GABRG3: variants seen among roughly 807,000 people sequenced by gnomAD.
The protein encoded by GABRG3 is gamma-aminobutyric acid type A receptor subunit gamma3.
A neutral mutation model predicts 48.8 loss-of-function variants in GABRG3; 25 were observed. That is an observed-to-expected ratio of 0.51 (90% CI 0.37 to 0.72). The LOEUF is 0.72. Among genes scored for constraint, GABRG3 ranks in the 30% least tolerant of loss-of-function variants. GABRG3 has a pLI of 0.00. For synonymous variants in GABRG3, 227 were observed against 217.6 expected (o/e 1.04, Z -0.38); for missense variants, 394 against 577.9 (o/e 0.68, Z 3.26).
rs897155400 is a variant in GABRG3 at position 26,976,287 on chromosome 15, A to T, written c.54-715A>T. ...TGAGACTCATTTACTAAGAAGTCAG[A>T]ATGTTGAAGACTTATTAGAAAGCTT... On this transcript the variant is annotated intron_variant, in intron 1 of 9. Transcript: ENST00000615808. This position sits in a 1 kb window ranked among gnomAD's most constrained non-coding sequence, Gnocchi z 7.8. Among the ~76,000 whole-genome samples the T allele has an allele frequency of 3.9e-5, 6 of 152,210 alleles. No homozygotes were observed. The highest frequency in any genetic ancestry group is 7.3e-5 in the Non-Finnish European group (5 of 68,032).
intron 3 of GABRG3, among the ~76,000 whole-genome samples, chr15:27,230,422 A>T (rs1433708389): frequency 6.6e-6 from 1 of 152,160 alleles, no homozygotes; most frequent in African/African-American, 2.4e-5. Context: ...CATACCCTTT[A>T]TGTGCTCAGA....
intron 9 of GABRG3, 120 bp downstream of exon 9, chr15:27,528,112 G>A (rs1240756268): frequency 2.7e-6 from 2 of 738,262 alleles, no homozygotes; most frequent in African/African-American, 3.6e-5. Flanking sequence ...TGATGCACAT[G>A]CTGACTTCAA....
At chr15:27,087,848 G>T (rs910326514) in intron 3 of GABRG3, among the ~76,000 whole-genome samples, 1 of 151,474 alleles carries the variant, frequency 6.6e-6, no homozygotes, top group African/African-American at 2.4e-5. Context: ...ATGTGTATGT[G>T]TGTGTAATGT....
chr15:27,022,712 C>T (rs1330737571), intron 2 of GABRG3, among the ~76,000 whole-genome samples: 5 of 152,178 alleles, frequency 3.3e-5, no homozygotes, highest in Non-Finnish European at 7.3e-5. Flanking sequence ...CCGCCCGGCC[C>T]TGCATTCCTT....
At chr15:27,020,638 CGA>C (rs1354503652) in intron 2 of GABRG3, among the ~76,000 whole-genome samples, 1 of 151,864 alleles carries the variant, frequency 6.6e-6, no homozygotes, top group Admixed American at 6.6e-5. Context: ...AGGATGGTCT[CGA>C]TCTCCCGACC....
rs181911938 is a variant in GABRG3, at chr15:27,024,790, G to T, written c.203-1964G>T. Among the ~76,000 whole-genome samples, 8 of 152,266 alleles carry T rather than the reference G, an allele frequency of 5.3e-5. No individual in the cohort carries two copies. The East Asian group carries it at 7.7e-4, about 15-fold the overall frequency. On this transcript the variant is annotated intron_variant, in intron 2 of 9. Coordinates refer to ENST00000615808, the MANE Select transcript of GABRG3 (RefSeq NM_033223.5). ...GCCTGTATTCCCAGCACTTTGGGAG[G>T]CTGGGGTGGGCAGATCACCTGAGGT... is the stretch of plus-strand genomic sequence containing the variant.
intron 5 of GABRG3, among the ~76,000 whole-genome samples, chr15:27,461,926 A>G (rs940717873): frequency 5.3e-5 from 8 of 152,180 alleles, no homozygotes; most frequent in African/African-American, 1.9e-4. Flanking sequence ...TCTCACGAGA[A>G]AAGTGAACCT....
chr15:27,352,611 C>T lies in GABRG3; in HGVS notation c.574+23723C>T, dbSNP rs932752153. On this transcript the variant is annotated intron_variant, in intron 5 of 9. Transcript: ENST00000615808. This position sits in a 1 kb window ranked among gnomAD's most constrained non-coding sequence, Gnocchi z 4.0. ...TGTGGGACAGGCGCTCACACCACCC[C>T]ACACTGCCCCGGGGAGGCAGGCCAA... is the stretch of plus-strand genomic sequence containing the variant. 6.6e-6 allele frequency among the ~76,000 whole-genome samples: 1 copy of T among 152,096 alleles called. No individual in the cohort carries two copies. Among genetic ancestry groups the T allele is most frequent in the African/African-American group, 2.4e-5 (1 of 41,394 alleles).
chr15:27,175,718 T>C (rs1298238750), intron 3 of GABRG3, among the ~76,000 whole-genome samples: 1 of 152,192 alleles, frequency 6.6e-6, no homozygotes, highest in East Asian at 1.9e-4. Context: ...CAGACATCCC[T>C]TGAGATTGCC....
At chr15:27,488,323 A>G (rs1890267903) in intron 6 of GABRG3, among the ~76,000 whole-genome samples, 1 of 152,196 alleles carries the variant, frequency 6.6e-6, no homozygotes, top group Non-Finnish European at 1.5e-5. Context: ...CACTTAGCAC[A>G]TAGCATTGTA....
chr15:27,215,603 CTCT>C (rs1021255199), intron 3 of GABRG3, among the ~76,000 whole-genome samples: 1 of 152,196 alleles, frequency 6.6e-6, no homozygotes, highest in Non-Finnish European at 1.5e-5. Context: ...CACAGTTTTC[CTCT>C]TCTTAGCTGC....
intron 5 of GABRG3, among the ~76,000 whole-genome samples, chr15:27,425,771 G>A (rs78014067): frequency 0.045 from 6,793 of 152,278 alleles, 174 homozygotes; most frequent in Middle Eastern, 0.11. Flanking sequence ...GAATGTAATT[G>A]TTGTTGTGTA....
At chr15:27,208,121 C>A in intron 3 of GABRG3, 1 of 178,520 alleles carries the variant, frequency 5.6e-6, no homozygotes, top group South Asian at 1.4e-4. Context: ...GCTAGTTTGT[C>A]ATTGAGATGG....
rs149403614 is a variant in GABRG3, at chr15:27,516,781, G to A, written c.713-3191G>A. Among the ~76,000 whole-genome samples the A allele has an allele frequency of 3.6e-3, 547 of 152,276 alleles. 7 individuals carry two copies. The East Asian group carries it at 0.044, about 12-fold the overall frequency. On this transcript the variant is annotated intron_variant, in intron 6 of 9. Coordinates refer to ENST00000615808, the MANE Select transcript of GABRG3 (RefSeq NM_033223.5). ...TAAGTAAATAGAAAAGCCCCAACTAGTCCACTGTGACGTTTCAAAACATCA... is the reference window on the plus strand; with the variant it reads ...TAAGTAAATAGAAAAGCCCCAACTAATCCACTGTGACGTTTCAAAACATCA...
intron 3 of GABRG3, among the ~76,000 whole-genome samples, chr15:27,281,288 A>G (rs1349546743): frequency 6.6e-6 from 1 of 152,124 alleles, no homozygotes; most frequent in Non-Finnish European, 1.5e-5. Context: ...TATTTAATGT[A>G]GCTATGTATG....
intron 3 of GABRG3, among the ~76,000 whole-genome samples, chr15:27,324,007 G>A (rs535603418): frequency 2.0e-5 from 3 of 152,312 alleles, no homozygotes; most frequent in East Asian, 3.9e-4. Context: ...GCCACACCCA[G>A]CCCCAAACGG....
Position 27,467,343 on chromosome 15 carries a change from T to TG in GABRG3, c.575-13300dup, listed in dbSNP as rs527418676. Among the ~76,000 whole-genome samples, 288 of 152,272 alleles carry TG rather than the reference T, an allele frequency of 1.9e-3. 2 individuals carry two copies. Among genetic ancestry groups the TG allele is most frequent in the Middle Eastern group, 0.01 (3 of 294 alleles). On this transcript the variant is annotated intron_variant, in intron 5 of 9. Transcript: ENST00000615808. ...ATTAGGACTTCAACGTATGAATTTG[T>TG]GGGGGGGACACAGATGTTCAGACCA...
At chr15:27,362,308 T>C (rs902927306) in intron 5 of GABRG3, 2 of 152,240 alleles carry the variant, frequency 1.3e-5, no homozygotes, top group Non-Finnish European at 2.9e-5. Context: ...GTGACAGAAT[T>C]AGGTGACCAT....
intron 3 of GABRG3, among the ~76,000 whole-genome samples, chr15:27,080,139 G>A (rs1896968971): frequency 6.6e-6 from 1 of 152,040 alleles, no homozygotes. Flanking sequence ...CTGTAGCAAG[G>A]GGCCATCTTG....
Sources: gnomAD v4.1 joint callset for allele counts (sites outside exome capture counted in the v4.1 genomes callset) on GRCh38, gnomAD v4.1.1 for gene constraint, Gnocchi (gnomAD v3.1) non-coding constraint, MANE v1.5 for transcripts, NCBI Gene and HGNC (gene_info 2026-07-23, HGNC 2026-07-21) for gene names.